The following WDR35 variants were observed in gnomAD, a reference collection of about 807,000 sequenced individuals.
WDR35 encodes the protein WD repeat-containing protein 35.
Under a neutral mutation model 158.3 loss-of-function variants are expected in WDR35, and 118 were observed. The ratio of observed to expected loss-of-function variants is 0.75; its 90% CI spans 0.64 to 0.87. WDR35 has a LOEUF of 0.87. Among genes scored for constraint, WDR35 ranks in the 40% least tolerant of loss-of-function variants. WDR35 has a pLI of 0.00. For missense variants in WDR35, 1,263 were observed against 1,405.8 expected (o/e 0.90, Z 1.62); for synonymous variants, 448 against 476.1 (o/e 0.94, Z 0.77).
At chr2:19,927,089 T>C (rs940891626) in intron 25 of WDR35, among the ~76,000 whole-genome samples, 2 of 152,184 alleles carry the variant, frequency 1.3e-5, no homozygotes, top group Admixed American at 6.5e-5. Context: ...GTAGCTATGA[T>C]AGCTGTTATC....
intron 25 of WDR35, among the ~76,000 whole-genome samples, chr2:19,921,054 C>T (rs904321002): frequency 6.6e-6 from 1 of 152,160 alleles, no homozygotes; most frequent in Non-Finnish European, 1.5e-5. Context: ...AGGAGAACTA[C>T]AAACCACTGC....
At chr2:19,970,538 A>G (rs985046231) in intron 8 of WDR35, among the ~76,000 whole-genome samples, 1 of 152,208 alleles carries the variant, frequency 6.6e-6, no homozygotes, top group African/African-American at 2.4e-5. Context: ...AGATCTAATC[A>G]TAACCTACCC....
At chr2:19,955,951 T>G (rs527553702) in intron 11 of WDR35, among the ~76,000 whole-genome samples, 1 of 152,172 alleles carries the variant, frequency 6.6e-6, no homozygotes, top group Non-Finnish European at 1.5e-5. Context: ...CAAGATTTTT[T>G]CATTCAAAAT....
Position 19,986,997 on chromosome 2 carries a change from G to C in WDR35, c.142+2168C>G, listed in dbSNP as rs190138948. 3.3e-5 allele frequency among the ~76,000 whole-genome samples: 5 copies of C among 152,306 alleles called. No homozygotes were observed. The East Asian group carries it at 9.6e-4, about 29-fold the overall frequency. ...GTTGCTTTAATAGTAAAAATGTGGA[G>C]ACACCTAAATGTCCAATACTAAAAT... is the stretch of plus-strand genomic sequence containing the variant. On this transcript the variant is annotated intron_variant, in intron 2 of 26. Transcript: ENST00000281405.
chr2:19,959,058 A>G (rs1234362475), intron 11 of WDR35, among the ~76,000 whole-genome samples: 3 of 152,056 alleles, frequency 2.0e-5, no homozygotes, highest in African/African-American at 4.8e-5. Context: ...ATTTTACAGG[A>G]TATGTATGAA....
intron 8 of WDR35, among the ~76,000 whole-genome samples, chr2:19,972,308 C>G (rs1245816278): frequency 6.6e-6 from 1 of 152,154 alleles, no homozygotes; most frequent in African/African-American, 2.4e-5. Flanking sequence ...TAAACCAAAC[C>G]CCACTTACAG....
intron 26 of WDR35, 117 bp downstream of exon 26, chr2:19,913,920 T>A: frequency 6.7e-7 from 1 of 1,498,802 alleles, no homozygotes; most frequent in Non-Finnish European, 9.1e-7. Flanking sequence ...TAGGGTATAA[T>A]GTTAATGTGA....
At chr2:19,950,176 G>A (rs1671191166) in intron 13 of WDR35, among the ~76,000 whole-genome samples, 1 of 152,102 alleles carries the variant, frequency 6.6e-6, no homozygotes, top group African/African-American at 2.4e-5. Context: ...AATAAGTGAT[G>A]CATAGATGAA....
intron 7 of WDR35, among the ~76,000 whole-genome samples, chr2:19,973,958 A>G (rs1329665816): frequency 6.6e-6 from 1 of 150,986 alleles, no homozygotes; most frequent in East Asian, 1.9e-4. Flanking sequence ...AAATACAAAA[A>G]TTAGCTGGAG....
chr2:19,936,090 C>T (rs1670682962), intron 20 of WDR35, 129 bp downstream of exon 20: 7 of 1,430,486 alleles, frequency 4.9e-6, no homozygotes, highest in Non-Finnish European at 6.7e-6. Flanking sequence ...CAAGATGAAT[C>T]TAGAGCTATC....
chr2:19,927,327 A>G (rs1000513611), intron 25 of WDR35, among the ~76,000 whole-genome samples: 5 of 152,190 alleles, frequency 3.3e-5, no homozygotes, highest in African/African-American at 4.8e-5. Flanking sequence ...GGCCAGAAAA[A>G]AATGAACGTA....
At chr2:19,973,270 GAC>G (rs1260625832) in intron 8 of WDR35, among the ~76,000 whole-genome samples, 1 of 151,970 alleles carries the variant, frequency 6.6e-6, no homozygotes, top group African/African-American at 2.4e-5. Context: ...TATGAAAAGA[GAC>G]ACATATTCAG....
chr2:19,938,147 G>C lies in WDR35; in HGVS notation c.2063+118C>G. 8.8e-6 allele frequency: 13 copies of C among 1,469,184 alleles called. No individual in the cohort carries two copies. In the South Asian group the frequency reaches 1.6e-4, roughly 18 times the overall value. 91.0% of individuals were successfully genotyped at this position (1,469,184 alleles called of 1,614,324 possible). On this transcript the variant is annotated intron_variant, in intron 18 of 26. Transcript: ENST00000281405. ...TAAATGAATTTCTACATCTTAAAAAGAAGAGCAAGAATGGAAGTCTGCTCC... is the reference window on the plus strand; with the variant it reads ...TAAATGAATTTCTACATCTTAAAAACAAGAGCAAGAATGGAAGTCTGCTCC...
chr2:19,985,829 G>A (rs995755909), intron 2 of WDR35, among the ~76,000 whole-genome samples: 1 of 149,088 alleles, frequency 6.7e-6, no homozygotes, highest in Non-Finnish European at 1.5e-5. Flanking sequence ...CCCGGGAAGT[G>A]GAAGTTGCAG....
At chr2:19,924,034 G>C (rs974630298) in intron 25 of WDR35, among the ~76,000 whole-genome samples, 2 of 152,068 alleles carry the variant, frequency 1.3e-5, no homozygotes, top group African/African-American at 4.8e-5. Flanking sequence ...CAACGCCCAG[G>C]CCCAGCCTCA....
chr2:19,918,084 T>C (rs1670045121), intron 25 of WDR35, among the ~76,000 whole-genome samples: 1 of 152,210 alleles, frequency 6.6e-6, no homozygotes, highest in Non-Finnish European at 1.5e-5. Context: ...TGGGGGCCAA[T>C]ATTCAACATT....
At chr2:19,962,237 C>A (rs567659094) in intron 10 of WDR35, 3 of 1,595,994 alleles carry the variant, frequency 1.9e-6, no homozygotes, top group Non-Finnish European at 2.6e-6. Flanking sequence ...TCAGCTATAA[C>A]CTCAAAACTC....
intron 2 of WDR35, among the ~76,000 whole-genome samples, chr2:19,986,431 A>G (rs1250659337): frequency 6.6e-6 from 1 of 152,254 alleles, no homozygotes; most frequent in Non-Finnish European, 1.5e-5. Context: ...GAATTCTAAT[A>G]GAAGAGGGAA....
At chr2:19,986,575 A>T (rs1414518491) in intron 2 of WDR35, among the ~76,000 whole-genome samples, 1 of 152,244 alleles carries the variant, frequency 6.6e-6, no homozygotes, top group Non-Finnish European at 1.5e-5. Flanking sequence ...ATGAGTCAAT[A>T]AAAGCTGTCC....
Sources: gnomAD v4.1 joint callset for allele counts (sites outside exome capture counted in the v4.1 genomes callset) on GRCh38, gnomAD v4.1.1 for gene constraint, MANE v1.5 for transcripts, NCBI Gene and HGNC (gene_info 2026-07-23, HGNC 2026-07-21) for gene names.